Variants in GALNT13 observed in about 807,000 individuals in gnomAD.
GALNT13 encodes UDP-GalNAc:polypeptide N-acetylgalactosaminyltransferase 13.
GALNT13 carries 28 observed loss-of-function variants against 64.2 expected under a neutral mutation model. That is an observed-to-expected ratio of 0.44 (90% CI 0.32 to 0.60). GALNT13 has a LOEUF of 0.60. Among genes scored for constraint, GALNT13 ranks in the 20% least tolerant of loss-of-function variants. The probability of loss-of-function intolerance (pLI) is 0.05; values close to 1 mark genes in which losing one functional copy is unlikely to be tolerated. For synonymous variants in GALNT13, 214 were observed against 224.6 expected, an observed-to-expected ratio of 0.95 and a Z score of 0.42; for missense variants, 577 against 669.8, an observed-to-expected ratio of 0.86 and a Z score of 1.53.
chr2:153,213,479 G>A, the GALNT13 span, among the ~76,000 whole-genome samples: 2 of 152,198 alleles, frequency 1.3e-5, no homozygotes, highest in African/African-American at 4.8e-5. Flanking sequence ...ACATCATTGG[G>A]AAGACAGTGG....
chr2:153,639,543 A>G, the GALNT13 span, among the ~76,000 whole-genome samples: 1 of 152,192 alleles, frequency 6.6e-6, no homozygotes, highest in South Asian at 2.1e-4. Context: ...GCAGTGTGCA[A>G]GAAGTCAATG....
At chr2:153,106,559 CTG>C in the GALNT13 span, among the ~76,000 whole-genome samples, 3 of 152,158 alleles carry the variant, frequency 2.0e-5, no homozygotes, top group African/African-American at 7.2e-5. Flanking sequence ...TCCATGCTGA[CTG>C]TGAAAGAAAT....
At chr2:153,847,981 T>C in the GALNT13 span, among the ~76,000 whole-genome samples, 1 of 152,194 alleles carries the variant, frequency 6.6e-6, no homozygotes, top group Non-Finnish European at 1.5e-5. Flanking sequence ...AGCTGGCTTA[T>C]GGAACTCTGA....
At chr2:154,135,557 T>G (rs531236144) in intron 3 of GALNT13, among the ~76,000 whole-genome samples, 1 of 152,340 alleles carries the variant, frequency 6.6e-6, no homozygotes, top group Non-Finnish European at 1.5e-5. Flanking sequence ...ATAGAATAAA[T>G]TTAGTTGTTT....
chr2:154,234,688 A>G (rs1204892710), intron 4 of GALNT13, among the ~76,000 whole-genome samples: 2 of 152,184 alleles, frequency 1.3e-5, no homozygotes, highest in Admixed American at 6.5e-5. Flanking sequence ...CTTCTATTTC[A>G]TCTTGTAATA....
chr2:153,509,302 C>G, the GALNT13 span, among the ~76,000 whole-genome samples: 5 of 152,180 alleles, frequency 3.3e-5, no homozygotes, highest in Non-Finnish European at 5.9e-5. Context: ...TCCCGCCCTG[C>G]CAACTGAAAA....
the GALNT13 span, among the ~76,000 whole-genome samples, chr2:153,711,263 A>G: frequency 1.3e-5 from 2 of 152,148 alleles, no homozygotes; most frequent in Non-Finnish European, 2.9e-5. Context: ...CATGCATAGT[A>G]TATATGGGCT....
In GALNT13 at chr2:154,001,457, A is replaced by T. The variant is rs532167429; in HGVS notation, c.142+56818A>T. Reference sequence around the variant, plus strand: ...TATAAGTTTTTGCTCTGTGGTTATCATGAAGCTTACAAAAAAATTATATAG... The same window carrying T: ...TATAAGTTTTTGCTCTGTGGTTATCTTGAAGCTTACAAAAAAATTATATAG... On this transcript the variant is annotated intron_variant, in intron 3 of 12. Coordinates refer to ENST00000392825, the MANE Select transcript of GALNT13 (RefSeq NM_052917.4). Among the ~76,000 whole-genome samples the T allele has an allele frequency of 1.8e-4, 27 of 151,966 alleles. No individual in the cohort carries two copies. The South Asian group carries it at 5.6e-3, about 32-fold the overall frequency.
intron 7 of GALNT13, among the ~76,000 whole-genome samples, chr2:154,258,059 G>T (rs947135831): frequency 1.7e-4 from 26 of 152,010 alleles, no homozygotes; most frequent in African/African-American, 6.0e-4. Context: ...CTGCTTTTGT[G>T]CTTTGAAGGT....
chr2:154,421,137 G>A (rs944303423), intron 11 of GALNT13, among the ~76,000 whole-genome samples: 18 of 151,836 alleles, frequency 1.2e-4, no homozygotes, highest in African/African-American at 3.6e-4. Context: ...ACTTTATCCC[G>A]GGAAGAGAAA....
chr2:153,142,640 T>C, the GALNT13 span, among the ~76,000 whole-genome samples: 2 of 151,798 alleles, frequency 1.3e-5, no homozygotes, highest in Non-Finnish European at 2.9e-5. Context: ...GAGAGATCGA[T>C]AAATGAAATG....
the GALNT13 span, among the ~76,000 whole-genome samples, chr2:153,472,866 T>C: frequency 1.3e-5 from 2 of 152,196 alleles, no homozygotes; most frequent in Non-Finnish European, 2.9e-5. Flanking sequence ...GACTGAGGAA[T>C]ATTTAAAAAT....
the GALNT13 span, among the ~76,000 whole-genome samples, chr2:153,076,742 A>G: frequency 6.6e-6 from 1 of 151,982 alleles, no homozygotes; most frequent in Non-Finnish European, 1.5e-5. Context: ...CTAAGTTTCC[A>G]TAAGTTATTA....
At chr2:153,665,589 G>T in the GALNT13 span, among the ~76,000 whole-genome samples, 1 of 151,996 alleles carries the variant, frequency 6.6e-6, no homozygotes, top group South Asian at 2.1e-4. Context: ...TCTGCTAGAA[G>T]AAGAATACCC....
chr2:153,115,918 A>G, the GALNT13 span, among the ~76,000 whole-genome samples: 439 of 152,282 alleles, frequency 2.9e-3, 5 homozygotes, highest in East Asian at 0.03. Context: ...GTCATGATCA[A>G]TTTGTGTGAC....
the GALNT13 span, among the ~76,000 whole-genome samples, chr2:153,214,632 T>C: frequency 8.8e-3 from 1,337 of 152,282 alleles, 11 homozygotes; most frequent in Non-Finnish European, 0.014. Flanking sequence ...ATAATGAAGT[T>C]GGTTTCATTT....
chr2:153,256,254 C>T, the GALNT13 span, among the ~76,000 whole-genome samples: 23 of 150,914 alleles, frequency 1.5e-4, no homozygotes, highest in East Asian at 1.9e-3. Flanking sequence ...TCCAGTTGAT[C>T]GCATCAGCTC....
the GALNT13 span, among the ~76,000 whole-genome samples, chr2:153,250,539 C>A: frequency 6.6e-6 from 1 of 151,994 alleles, no homozygotes; most frequent in South Asian, 2.1e-4. Flanking sequence ...GGGTATATAC[C>A]CATAGGATTA....
At chr2:154,026,044 G>T (rs145859642) in intron 3 of GALNT13, among the ~76,000 whole-genome samples, 15 of 152,198 alleles carry the variant, frequency 9.9e-5, no homozygotes, top group African/African-American at 2.9e-4. Flanking sequence ...CATGGTGTTG[G>T]GGGGAGGGGA....
Sources: gnomAD v4.1 joint callset for allele counts (sites outside exome capture counted in the v4.1 genomes callset) on GRCh38, gnomAD v4.1.1 for gene constraint, MANE v1.5 for transcripts, NCBI Gene and HGNC (gene_info 2026-07-23, HGNC 2026-07-21) for gene names.